The following B4GALNT2 variants were observed in gnomAD, a reference collection of about 807,000 sequenced individuals.
The protein encoded by B4GALNT2 is N-acetylneuraminylgalactosylglucosyl-glucoside beta-1,4-N- acetylgalactosaminyltransferase 2.
B4GALNT2 carries 42 observed loss-of-function variants against 51.1 expected under a neutral mutation model. That is an observed-to-expected ratio of 0.82 (90% CI 0.64 to 1.06). The LOEUF is 1.06. Among genes scored for constraint, B4GALNT2 ranks in the 50% least tolerant of loss-of-function variants. The pLI is 0.00. For missense variants in B4GALNT2, 602 were observed against 633.6 expected, an observed-to-expected ratio of 0.95 and a Z score of 0.54; for synonymous variants, 253 against 251.7, an observed-to-expected ratio of 1.01 and a Z score of -0.05.
chr17:49,133,065 G>C, intron 1 of B4GALNT2: 1 of 1,507,548 alleles, frequency 6.6e-7, no homozygotes, highest in Non-Finnish European at 8.8e-7. Context: ...ATTCCACGTG[G>C]AAGTGGCCTC....
chr17:49,136,367 T>A (rs2144270357), intron 1 of B4GALNT2, among the ~76,000 whole-genome samples: 1 of 151,978 alleles, frequency 6.6e-6, no homozygotes, highest in South Asian at 2.1e-4. Flanking sequence ...CAGATCACAA[T>A]TAAGAACTTG....
At chr17:49,157,737 CA>C (rs1181490961) in intron 5 of B4GALNT2, among the ~76,000 whole-genome samples, 1 of 152,210 alleles carries the variant, frequency 6.6e-6, no homozygotes, top group African/African-American at 2.4e-5. Context: ...AGTGGGATTA[CA>C]GGCGTGAGCC....
intron 1 of B4GALNT2, among the ~76,000 whole-genome samples, chr17:49,139,541 G>A (rs1411711864): frequency 6.6e-6 from 1 of 152,110 alleles, no homozygotes; most frequent in Non-Finnish European, 1.5e-5. Context: ...TGTTTTTAGA[G>A]ATGGGGTCTC....
the B4GALNT2 span, among the ~76,000 whole-genome samples, chr17:49,125,915 G>A: frequency 3.8e-3 from 566 of 150,610 alleles, 4 homozygotes; most frequent in Admixed American, 6.3e-3. Context: ...GCACCGTCTG[G>A]GAGGTGAGGG....
chr17:49,167,875 G>A (rs1306889921), intron 9 of B4GALNT2, among the ~76,000 whole-genome samples: 1 of 152,128 alleles, frequency 6.6e-6, no homozygotes, highest in East Asian at 1.9e-4. Context: ...CTCCCAAAGT[G>A]CTGGGATTAC....
chr17:49,174,325 T>A lies in B4GALNT2; in HGVS notation c.*4597T>A, dbSNP rs888921473. The A allele has an allele frequency of 6.6e-6, 1 of 152,260 alleles. No individual in the cohort carries two copies. The highest frequency in any genetic ancestry group is 1.5e-5 in the Non-Finnish European group (1 of 68,048). The allele number at this position is 152,260 out of a possible 1,614,324, so 9.4% of individuals were successfully genotyped here. ...GCCCTACATAAGTCTGGCAAATTGTTGGACTGTTTAACATGCCTTGTGGCA... is the reference window on the plus strand; with the variant it reads ...GCCCTACATAAGTCTGGCAAATTGTAGGACTGTTTAACATGCCTTGTGGCA... On this transcript the variant is annotated 3_prime_UTR_variant, in exon 11 of 11. Transcript: ENST00000393354.
Position 49,170,732 on chromosome 17 carries a change from G to C in B4GALNT2, c.*1004G>C, listed in dbSNP as rs1388553759. 1 of 152,222 alleles carries C rather than the reference G, an allele frequency of 6.6e-6. No individual in the cohort carries two copies. The highest frequency in any genetic ancestry group is 1.5e-5 in the Non-Finnish European group (1 of 68,056). The allele number at this position is 152,222 out of a possible 1,614,324, so 9.4% of individuals were successfully genotyped here. Reference sequence around the variant, plus strand: ...CACATAGAAATATAGAGTGTGGAGTGGGAAATCAGGGGACTCACAGACTTC... The same window carrying C: ...CACATAGAAATATAGAGTGTGGAGTCGGAAATCAGGGGACTCACAGACTTC... On this transcript the variant is annotated 3_prime_UTR_variant, in exon 11 of 11. Transcript: ENST00000393354.
intron 9 of B4GALNT2, among the ~76,000 whole-genome samples, chr17:49,167,398 C>T (rs995637258): frequency 6.6e-6 from 1 of 152,136 alleles, no homozygotes; most frequent in Non-Finnish European, 1.5e-5. Flanking sequence ...CACAGTGAAA[C>T]GTTGCTGCAA....
Position 49,169,662 on chromosome 17 carries a change from C to A in B4GALNT2, c.1455C>A (p.Thr485=). ...CCTACAATACATACCGGTCCAACAC[C>A]CTCACCCGGGTCCAGTTCAAGCTGG... is the stretch of plus-strand genomic sequence containing the variant. ...EKTYNTYRSN[T]LTRVQFKLAL... is the part of the protein sequence containing the mutation. The change falls in exon 11 of 11, where the codon ACC becomes ACA. Residue 485 remains threonine, a synonymous_variant. Coordinates refer to ENST00000393354, the MANE Select transcript of B4GALNT2 (RefSeq NM_001159387.2). 6.2e-7 allele frequency: 1 copy of A among 1,610,116 alleles called. No homozygotes were observed. Among genetic ancestry groups the A allele is most frequent in the Non-Finnish European group, 8.5e-7 (1 of 1,177,394 alleles).
intron 4 of B4GALNT2, among the ~76,000 whole-genome samples, chr17:49,154,998 A>G (rs1318546658): frequency 6.6e-6 from 1 of 152,104 alleles, no homozygotes; most frequent in African/African-American, 2.4e-5. Flanking sequence ...TGGATGATTC[A>G]TTTCTTATTG....
chr17:49,148,476 CCCTCCAGA>C (rs1404258870), intron 3 of B4GALNT2: 1 of 291,826 alleles, frequency 3.4e-6, no homozygotes, highest in African/African-American at 2.3e-5. Context: ...AGGTGGCTCA[CCCTCCAGA>C]CCTTCAGGCA....
At chr17:49,134,598 A>T (rs1383554744) in intron 1 of B4GALNT2, among the ~76,000 whole-genome samples, 3 of 151,096 alleles carry the variant, frequency 2.0e-5, no homozygotes, top group Non-Finnish European at 4.4e-5. Flanking sequence ...ATTTTATTTT[A>T]TTTTTTTTAG....
At chr17:49,148,384 TG>T in intron 3 of B4GALNT2, 1 of 348,008 alleles carries the variant, frequency 2.9e-6, no homozygotes, top group Admixed American at 3.7e-5. Context: ...TGCCTCTTAC[TG>T]GAATTTGGTT....
chr17:49,138,357 T>A (rs918444975), intron 1 of B4GALNT2, among the ~76,000 whole-genome samples: 1 of 152,202 alleles, frequency 6.6e-6, no homozygotes, highest in Non-Finnish European at 1.5e-5. Context: ...TCCCACATGT[T>A]TCTTCTTAAG....
chr17:49,125,922 AG>A, the B4GALNT2 span, among the ~76,000 whole-genome samples: 12 of 145,646 alleles, frequency 8.2e-5, no homozygotes, highest in Admixed American at 2.0e-4. Flanking sequence ...CTGGGAGGTG[AG>A]GGGTGCCTCT....
intron 1 of B4GALNT2, among the ~76,000 whole-genome samples, chr17:49,140,190 T>A (rs1299102987): frequency 1.3e-5 from 2 of 151,834 alleles, no homozygotes; most frequent in African/African-American, 2.4e-5. Context: ...GACCTCCGCC[T>A]CCCAGGTTCA....
chr17:49,156,214 C>T (rs79626775), intron 4 of B4GALNT2, among the ~76,000 whole-genome samples: 11,443 of 152,172 alleles, frequency 0.075, 531 homozygotes, highest in South Asian at 0.15. Flanking sequence ...TGCTTTCTGT[C>T]TCTATGGGTT....
intron 3 of B4GALNT2, among the ~76,000 whole-genome samples, chr17:49,146,689 C>G (rs1471399756): frequency 6.6e-6 from 1 of 152,176 alleles, no homozygotes. Flanking sequence ...TGTGTCTAAA[C>G]ATTCCTGTCT....
chr17:49,165,675 C>T (rs2042905828), intron 8 of B4GALNT2, among the ~76,000 whole-genome samples: 1 of 147,822 alleles, frequency 6.8e-6, no homozygotes. Flanking sequence ...CTACTCTTTC[C>T]CTCTCTCATT....
Sources: gnomAD v4.1 joint callset for allele counts (sites outside exome capture counted in the v4.1 genomes callset) on GRCh38, gnomAD v4.1.1 for gene constraint, MANE v1.5 for transcripts, NCBI Gene and HGNC (gene_info 2026-07-23, HGNC 2026-07-21) for gene names.